The following KCNIP4 variants were observed in gnomAD, a reference collection of about 807,000 sequenced individuals.
The protein encoded by KCNIP4 is Kv channel-interacting protein 4.
Under a neutral mutation model 34.0 loss-of-function variants are expected in KCNIP4, and 12 were observed. That is an observed-to-expected ratio of 0.35 (90% CI 0.23 to 0.57). The LOEUF (loss-of-function observed/expected upper bound fraction) is 0.57. KCNIP4 is among the 20% of genes least tolerant of loss of function. The probability of loss-of-function intolerance (pLI) is 0.83; values close to 1 mark genes in which losing one functional copy is unlikely to be tolerated. For synonymous variants in KCNIP4, 124 were observed against 102.2 expected (o/e 1.21, Z -1.29); for missense variants, 238 against 311.7 (o/e 0.76, Z 1.78).
At chr4:21,428,044 T>A (rs1726088185) in intron 1 of KCNIP4, among the ~76,000 whole-genome samples, 1 of 152,196 alleles carries the variant, frequency 6.6e-6, no homozygotes, top group Admixed American at 6.5e-5. Context: ...GTATTTTTTT[T>A]ATTAATTAAA....
intron 1 of KCNIP4, among the ~76,000 whole-genome samples, chr4:21,631,391 A>G (rs1305453522): frequency 6.6e-6 from 1 of 152,198 alleles, no homozygotes; most frequent in African/African-American, 2.4e-5. Context: ...TGTAAACATT[A>G]GCTAAAGATG....
chr4:21,212,002 C>T (rs753611468), intron 1 of KCNIP4, among the ~76,000 whole-genome samples: 1 of 152,172 alleles, frequency 6.6e-6, no homozygotes, highest in African/African-American at 2.4e-5. Context: ...ACTTGCCCAT[C>T]AACAAAGAAG....
At chr4:21,591,635 A>G (rs1413646563) in intron 1 of KCNIP4, among the ~76,000 whole-genome samples, 2 of 152,046 alleles carry the variant, frequency 1.3e-5, no homozygotes, top group African/African-American at 4.8e-5. Context: ...ATCAATTATA[A>G]TATCTTACTG....
At chr4:21,843,656 T>C (rs1723829460) in intron 1 of KCNIP4, 1 of 152,060 alleles carries the variant, frequency 6.6e-6, no homozygotes, top group Non-Finnish European at 1.5e-5. Context: ...TTCCATTAGA[T>C]CACACTCCAT....
At chr4:20,955,983 C>T (rs1733262304) in intron 1 of KCNIP4, among the ~76,000 whole-genome samples, 1 of 152,144 alleles carries the variant, frequency 6.6e-6, no homozygotes, top group Non-Finnish European at 1.5e-5. Flanking sequence ...GTTATGTGAC[C>T]AGCCCTTGTG....
intron 1 of KCNIP4, among the ~76,000 whole-genome samples, chr4:21,293,902 C>G (rs1763687689): frequency 6.6e-6 from 1 of 152,154 alleles, no homozygotes; most frequent in Non-Finnish European, 1.5e-5. Flanking sequence ...TGATCATGAT[C>G]TAGCCCTATC....
chr4:21,780,555 G>T (rs1719514394), intron 1 of KCNIP4, among the ~76,000 whole-genome samples: 1 of 152,026 alleles, frequency 6.6e-6, no homozygotes, highest in Non-Finnish European at 1.5e-5. Context: ...AACATAAGGG[G>T]GACTCAGAGG....
At chr4:20,920,018 G>A (rs562322637) in intron 1 of KCNIP4, among the ~76,000 whole-genome samples, 1 of 152,110 alleles carries the variant, frequency 6.6e-6, no homozygotes, top group Non-Finnish European at 1.5e-5. Context: ...AATGGCTCTA[G>A]GCCATTTGAA....
At chr4:20,739,982 G>A (rs1445139665) in intron 5 of KCNIP4, among the ~76,000 whole-genome samples, 1 of 152,190 alleles carries the variant, frequency 6.6e-6, no homozygotes, top group African/African-American at 2.4e-5. Context: ...TCAAGTGGAA[G>A]AAAGGGTATC....
intron 1 of KCNIP4, among the ~76,000 whole-genome samples, chr4:21,076,763 A>G (rs1322006535): frequency 6.6e-6 from 1 of 152,082 alleles, no homozygotes; most frequent in African/African-American, 2.4e-5. Flanking sequence ...TCCATCCTAA[A>G]CAGCTCTCAT....
At chr4:20,759,664 C>G (rs1754790315) in intron 3 of KCNIP4, among the ~76,000 whole-genome samples, 1 of 152,024 alleles carries the variant, frequency 6.6e-6, no homozygotes, top group African/African-American at 2.4e-5. Context: ...AAAAAAGAAA[C>G]TTTAAAGTGT....
At chr4:21,398,149 A>T (rs1175228197) in intron 1 of KCNIP4, among the ~76,000 whole-genome samples, 1 of 152,170 alleles carries the variant, frequency 6.6e-6, no homozygotes, top group Admixed American at 6.5e-5. Flanking sequence ...AAGTCTATTC[A>T]GGTATGTTTT....
rs1159463383 is a variant in KCNIP4 at position 21,519,496 on chromosome 4, GTA to G, written c.61+429073_61+429074del. 3.2e-4 allele frequency among the ~76,000 whole-genome samples: 40 copies of G among 123,890 alleles called. 6 individuals carry two copies. The highest frequency in any genetic ancestry group is 4.3e-4 in the Non-Finnish European group (25 of 58,200). The allele number at this position is 123,890 out of a possible 152,430, so 81.3% of individuals were successfully genotyped here. ...TGTATGTGTATATACACATATGTGTGTATGTGTATGTGTATATACACATATGT... is the reference window on the plus strand; with the variant it reads ...TGTATGTGTATATACACATATGTGTGTGTGTATGTGTATATACACATATGT... On this transcript the variant is annotated intron_variant, in intron 1 of 8. Coordinates refer to ENST00000382152, the MANE Select transcript of KCNIP4 (RefSeq NM_025221.6).
chr4:21,490,283 G>GA (rs1298952208), intron 1 of KCNIP4, among the ~76,000 whole-genome samples: 4 of 151,980 alleles, frequency 2.6e-5, no homozygotes, highest in Non-Finnish European at 5.9e-5. Context: ...TTTCTTATTT[G>GA]AAAAAAGACA....
rs577447212 is a variant in KCNIP4, at chr4:21,385,945, C to G, written c.62-503236G>C. 5.9e-5 allele frequency among the ~76,000 whole-genome samples: 9 copies of G among 152,200 alleles called. No individual in the cohort carries two copies. The East Asian group carries it at 1.7e-3, about 29-fold the overall frequency. ...CAAACAAGTGATTGAGTAGATACAA[C>G]TTTGGGAGAACTGGGACAAACCATG... On this transcript the variant is annotated intron_variant, in intron 1 of 8. Coordinates refer to ENST00000382152, the MANE Select transcript of KCNIP4 (RefSeq NM_025221.6).
At chr4:21,638,365 T>G (rs1016751891) in intron 1 of KCNIP4, among the ~76,000 whole-genome samples, 2 of 152,068 alleles carry the variant, frequency 1.3e-5, no homozygotes, top group Non-Finnish European at 2.9e-5. Context: ...GGTTCAAAGA[T>G]TTTTTTTCTC....
chr4:21,751,781 A>G (rs1027729988), intron 1 of KCNIP4, among the ~76,000 whole-genome samples: 3 of 152,162 alleles, frequency 2.0e-5, no homozygotes, highest in African/African-American at 7.2e-5. Context: ...GGTAGAGAAA[A>G]GGCAAGCAGA....
intron 1 of KCNIP4, among the ~76,000 whole-genome samples, chr4:21,776,416 G>A (rs979013404): frequency 6.6e-5 from 10 of 152,098 alleles, no homozygotes; most frequent in African/African-American, 2.4e-4. Flanking sequence ...TTCAACATGA[G>A]TCATGTATTA....
chr4:21,828,840 T>C (rs1023735746), intron 1 of KCNIP4, among the ~76,000 whole-genome samples: 3 of 151,940 alleles, frequency 2.0e-5, no homozygotes, highest in Non-Finnish European at 4.4e-5. Context: ...ACACACACTA[T>C]CTAAAATAAT....
Sources: allele counts gnomAD v4.1 joint callset (sites outside exome capture counted in the v4.1 genomes callset), GRCh38; gene constraint gnomAD v4.1.1; transcripts MANE v1.5; gene names NCBI Gene and HGNC (gene_info 2026-07-23, HGNC 2026-07-21).